The following DNAH11 variants were observed in gnomAD, a reference collection of about 807,000 sequenced individuals.
The protein encoded by DNAH11 is axonemal beta dynein heavy chain 11.
A neutral mutation model predicts 526.0 loss-of-function variants in DNAH11; 442 were observed. The ratio of observed to expected loss-of-function variants is 0.84; its 90% CI spans 0.78 to 0.91. DNAH11 has a LOEUF of 0.91. DNAH11 is among the 40% of genes least tolerant of loss of function. The pLI is 0.00. For missense variants in DNAH11, 6,989 were observed against 5,448.7 expected, an observed-to-expected ratio of 1.28 and a Z score of -8.90; for synonymous variants, 2,461 against 1,935.9, an observed-to-expected ratio of 1.27 and a Z score of -7.12.
chr7:21,602,626 A>G (rs945473018), intron 18 of DNAH11, among the ~76,000 whole-genome samples: 6 of 151,348 alleles, frequency 4.0e-5, no homozygotes, highest in Non-Finnish European at 8.8e-5. Context: ...AATTTTGCAA[A>G]TGTGATCAGT....
Position 21,899,963 on chromosome 7 carries a change from T to C in DNAH11, c.13163-17T>C, listed in dbSNP as rs771340688. On this transcript the variant is annotated splice_polypyrimidine_tract_variant and intron_variant, in intron 80 of 81. Transcript: ENST00000409508. ...GCAACACTTTTATCCTATTCAATTTTTGTTATATTTCCAAAGCAATCATGC... is the reference window on the plus strand; with the variant it reads ...GCAACACTTTTATCCTATTCAATTTCTGTTATATTTCCAAAGCAATCATGC... The C allele has an allele frequency of 4.3e-6, 7 of 1,612,906 alleles. No individual in the cohort carries two copies. The South Asian group carries it at 4.4e-5, about 10-fold the overall frequency.
intron 45 of DNAH11, among the ~76,000 whole-genome samples, chr7:21,732,591 A>C (rs1785428779): frequency 6.6e-6 from 1 of 152,176 alleles, no homozygotes; most frequent in African/African-American, 2.4e-5. Flanking sequence ...TCAACATAGA[A>C]ATTTGAGGAG....
At chr7:21,550,781 C>G (rs1383921114) in intron 2 of DNAH11, among the ~76,000 whole-genome samples, 1 of 152,038 alleles carries the variant, frequency 6.6e-6, no homozygotes. Flanking sequence ...TTATTTTGAC[C>G]ACATTCCCAG....
chr7:21,593,392 T>A (rs960314861), intron 14 of DNAH11, among the ~76,000 whole-genome samples: 2 of 152,150 alleles, frequency 1.3e-5, no homozygotes, highest in African/African-American at 4.8e-5. Context: ...TGGAGGCAGC[T>A]GAGGAGATCC....
intron 74 of DNAH11, among the ~76,000 whole-genome samples, 194 bp from the exon 75 acceptor site, chr7:21,880,508 T>C (rs1248786804): frequency 6.6e-6 from 1 of 152,210 alleles, no homozygotes; most frequent in Non-Finnish European, 1.5e-5. Context: ...ATAAAAGTAT[T>C]CCTCTTAAGC....
chr7:21,738,349 C>T (rs555398771), intron 46 of DNAH11, among the ~76,000 whole-genome samples: 12 of 152,264 alleles, frequency 7.9e-5, no homozygotes, highest in Admixed American at 7.2e-4. Context: ...AGAGACCAGG[C>T]CATAGCTGGA....
At chr7:21,810,500 G>A (rs1789468380) in intron 63 of DNAH11, among the ~76,000 whole-genome samples, 1 of 152,176 alleles carries the variant, frequency 6.6e-6, no homozygotes, top group African/African-American at 2.4e-5. Context: ...GTGCAAGCTG[G>A]CCAAACCAAA....
At position 21,656,999 on chromosome 7, in the gene DNAH11, G is replaced by T. The variant is rs190975739; in HGVS notation, c.5094+1018G>T. ...CTGCTCACCGACTGGCATGATGCCC[G>T]GAGGGGGATAGTCCAATTGATGGAT... On this transcript the variant is annotated intron_variant, in intron 29 of 81. Coordinates refer to ENST00000409508, the MANE Select transcript of DNAH11 (RefSeq NM_001277115.2). Among the ~76,000 whole-genome samples, 6 of 152,288 alleles carry T rather than the reference G, an allele frequency of 3.9e-5. No individual in the cohort carries two copies. In the East Asian group the frequency reaches 1.2e-3, roughly 29 times the overall value.
At chr7:21,846,489 T>G (rs577968575) in intron 66 of DNAH11, among the ~76,000 whole-genome samples, 1 of 152,188 alleles carries the variant, frequency 6.6e-6, no homozygotes, top group Non-Finnish European at 1.5e-5. Flanking sequence ...ATGACTACAT[T>G]TTTCTTCTTT....
At chr7:21,608,634 G>A (rs1216856677) in intron 20 of DNAH11, among the ~76,000 whole-genome samples, 1 of 152,204 alleles carries the variant, frequency 6.6e-6, no homozygotes, top group East Asian at 1.9e-4. Context: ...GTAGGTTAGA[G>A]TATGCTAATA....
chr7:21,820,695 T>C (rs1790015136), intron 65 of DNAH11, among the ~76,000 whole-genome samples: 2 of 152,130 alleles, frequency 1.3e-5, no homozygotes, highest in South Asian at 4.1e-4. Flanking sequence ...GTTGGCCTTT[T>C]GCTATGTGTT....
intron 54 of DNAH11, among the ~76,000 whole-genome samples, chr7:21,752,740 T>TTC (rs1229380563): frequency 6.6e-6 from 1 of 152,156 alleles, no homozygotes; most frequent in African/African-American, 2.4e-5. Context: ...GAGACAGAGT[T>TTC]TCACTCTTGT....
At chr7:21,839,612 T>C (rs1583758273) in intron 65 of DNAH11, among the ~76,000 whole-genome samples, 2 of 151,204 alleles carry the variant, frequency 1.3e-5, no homozygotes, top group African/African-American at 4.9e-5. Flanking sequence ...TGCACAGGTA[T>C]ATACTGGCTT....
intron 2 of DNAH11, among the ~76,000 whole-genome samples, chr7:21,548,554 A>G (rs1782892230): frequency 6.6e-6 from 1 of 152,152 alleles, no homozygotes; most frequent in Non-Finnish European, 1.5e-5. Flanking sequence ...GGCCATATGT[A>G]TTTTCGGGTG....
chr7:21,726,115 G>A, intron 45 of DNAH11, 131 bp downstream of exon 45: 11 of 948,872 alleles, frequency 1.2e-5, no homozygotes, highest in Non-Finnish European at 1.6e-5. Context: ...CAGGAAGCAT[G>A]ATGCTGGCAT....
intron 45 of DNAH11, among the ~76,000 whole-genome samples, chr7:21,728,122 A>G (rs1165058193): frequency 1.3e-5 from 2 of 151,928 alleles, no homozygotes; most frequent in Non-Finnish European, 2.9e-5. Flanking sequence ...AGGCTTCAAG[A>G]GATGAATTTT....
intron 28 of DNAH11, among the ~76,000 whole-genome samples, chr7:21,648,561 C>A (rs1787469954): frequency 6.6e-6 from 1 of 152,178 alleles, no homozygotes; most frequent in Non-Finnish European, 1.5e-5. Flanking sequence ...ATGAGAGAAG[C>A]CACCGATCAC....
At position 21,739,334 on chromosome 7, in the gene DNAH11, A is replaced by G. The variant is rs186686985; in HGVS notation, c.7812-237A>G. Reference sequence around the variant, plus strand: ...GTAACATGAGAATCAATAAGCAGTAATAGTTTACATTGACGCAGCTCCAGA... The same window carrying G: ...GTAACATGAGAATCAATAAGCAGTAGTAGTTTACATTGACGCAGCTCCAGA... On this transcript the variant is annotated intron_variant, in intron 47 of 81. Transcript: ENST00000409508. Among the ~76,000 whole-genome samples the G allele has an allele frequency of 2.0e-4, 30 of 152,312 alleles. No homozygotes were observed. The East Asian group carries it at 3.3e-3, about 17-fold the overall frequency.
At chr7:21,790,941 C>G (rs551524915) in intron 61 of DNAH11, among the ~76,000 whole-genome samples, 2 of 152,214 alleles carry the variant, frequency 1.3e-5, no homozygotes, top group South Asian at 2.1e-4. Context: ...ATGATACAAC[C>G]AAAGTGAATG....
Sources: gnomAD v4.1 joint callset for allele counts (sites outside exome capture counted in the v4.1 genomes callset) on GRCh38, gnomAD v4.1.1 for gene constraint, MANE v1.5 for transcripts, NCBI Gene and HGNC (gene_info 2026-07-23, HGNC 2026-07-21) for gene names.